Variants in SLIT3 observed in about 807,000 individuals in gnomAD.
SLIT3 encodes slit guidance ligand 3, also known as slit homolog 3 protein.
In SLIT3, 68 loss-of-function variants were observed where a neutral mutation model predicts 184.0. The ratio of observed to expected loss-of-function variants is 0.37; its 90% CI spans 0.30 to 0.45. The LOEUF is 0.45. Ranked by LOEUF, SLIT3 falls within the 20% of genes least tolerant of loss-of-function variation. The pLI is 1.00. For synonymous variants in SLIT3, 831 were observed against 828.6 expected (o/e 1.00, Z -0.05); for missense variants, 1,707 against 2,026.0 (o/e 0.84, Z 3.02).
chr5:169,028,188 A>C (rs1362140109), intron 4 of SLIT3, among the ~76,000 whole-genome samples: 1 of 152,184 alleles, frequency 6.6e-6, no homozygotes, highest in Non-Finnish European at 1.5e-5. Flanking sequence ...TCTGATGCAC[A>C]GAAGCCTTAA....
intron 27 of SLIT3, among the ~76,000 whole-genome samples, chr5:168,699,481 C>T (rs1762156393): frequency 6.6e-6 from 1 of 152,172 alleles, no homozygotes; most frequent in African/African-American, 2.4e-5. Context: ...GTCAGAGCCA[C>T]AGGCCAGTGA....
chr5:168,759,842 G>T lies in SLIT3; in HGVS notation c.1685+1020C>A, dbSNP rs544225802. ...GGACTTTACTTCCCTGGTCTTCGAGGCACACCTGAACTCTGGGGCCAGGAG... is the reference window on the plus strand; with the variant it reads ...GGACTTTACTTCCCTGGTCTTCGAGTCACACCTGAACTCTGGGGCCAGGAG... On this transcript the variant is annotated intron_variant, in intron 16 of 35. Transcript: ENST00000519560. 1.6e-4 allele frequency among the ~76,000 whole-genome samples: 25 copies of T among 152,306 alleles called. 2 individuals are homozygous for T. In the South Asian group the frequency reaches 4.6e-3, roughly 28 times the overall value.
Position 169,063,186 on chromosome 5 carries a change from A to C in SLIT3, c.413+130293T>G, listed in dbSNP as rs542009421. On this transcript the variant is annotated intron_variant, in intron 4 of 35. Coordinates refer to ENST00000519560, the MANE Select transcript of SLIT3 (RefSeq NM_003062.4). ...CCCCCGTGCCAGCCCTGCACAGAGG[A>C]CCATGACTGGCCTTAATGCCGGCTG... 7.9e-5 allele frequency among the ~76,000 whole-genome samples: 12 copies of C among 152,280 alleles called. No individual in the cohort carries two copies. The South Asian group carries it at 2.5e-3, about 32-fold the overall frequency.
At chr5:168,691,722 G>A (rs1029561334) in intron 29 of SLIT3, among the ~76,000 whole-genome samples, 1 of 152,192 alleles carries the variant, frequency 6.6e-6, no homozygotes, top group Non-Finnish European at 1.5e-5. Flanking sequence ...TTCCTCTGGT[G>A]TTGGACAGAG....
intron 4 of SLIT3, among the ~76,000 whole-genome samples, chr5:168,926,070 T>C (rs1365038810): frequency 1.3e-5 from 2 of 152,126 alleles, no homozygotes; most frequent in Non-Finnish European, 2.9e-5. Context: ...TGCCTCGGAA[T>C]TCAGGATAGC....
chr5:168,823,812 C>T (rs987343643), intron 6 of SLIT3, among the ~76,000 whole-genome samples: 1 of 152,198 alleles, frequency 6.6e-6, no homozygotes, highest in Non-Finnish European at 1.5e-5. Context: ...CTGCAAAGCT[C>T]TGGAGGTGGG....
intron 4 of SLIT3, among the ~76,000 whole-genome samples, chr5:168,971,762 C>T (rs1488578818): frequency 6.6e-6 from 1 of 152,202 alleles, no homozygotes; most frequent in African/African-American, 2.4e-5. Context: ...GAAATGTCTG[C>T]TTTGATTCTC....
intron 27 of SLIT3, among the ~76,000 whole-genome samples, chr5:168,699,709 C>G (rs1249658728): frequency 6.6e-6 from 1 of 152,202 alleles, no homozygotes; most frequent in African/African-American, 2.4e-5. Context: ...TAGAGCAAGT[C>G]CATTTCTGTG....
At chr5:169,272,428 A>T (rs1766658525) in intron 1 of SLIT3, among the ~76,000 whole-genome samples, 3 of 152,220 alleles carry the variant, frequency 2.0e-5, no homozygotes, top group Non-Finnish European at 4.4e-5. Context: ...TGGCCCAGGT[A>T]GGTAATTGGA....
intron 17 of SLIT3, among the ~76,000 whole-genome samples, chr5:168,753,375 G>T (rs926824289): frequency 2.6e-5 from 4 of 152,220 alleles, no homozygotes; most frequent in Non-Finnish European, 5.9e-5. Flanking sequence ...GGCTGCTAGG[G>T]TGTGCACACA....
intron 6 of SLIT3, among the ~76,000 whole-genome samples, chr5:168,824,892 C>A (rs935783202): frequency 6.6e-6 from 1 of 152,186 alleles, no homozygotes; most frequent in African/African-American, 2.4e-5. Context: ...CTTGGCTTTT[C>A]GTAAACACAT....
chr5:168,935,122 A>G (rs1762112914), intron 4 of SLIT3, among the ~76,000 whole-genome samples: 2 of 145,546 alleles, frequency 1.4e-5, no homozygotes, highest in Admixed American at 1.4e-4. Flanking sequence ...TGGGTGACAG[A>G]GCAAGACTCC....
chr5:168,772,565 T>A (rs1755591439), intron 14 of SLIT3: 1 of 559,730 alleles, frequency 1.8e-6, no homozygotes, highest in East Asian at 3.2e-5. Flanking sequence ...CTCCCCATGC[T>A]TTTATTGTGT....
chr5:168,753,165 G>C, intron 17 of SLIT3, 67 bp from the exon 18 acceptor site: 4 of 1,547,994 alleles, frequency 2.6e-6, no homozygotes, highest in Non-Finnish European at 3.5e-6. Flanking sequence ...TGGTGCCACG[G>C]TGGTGTGTGT....
chr5:168,877,718 C>T (rs558779513), intron 5 of SLIT3, among the ~76,000 whole-genome samples: 2 of 152,274 alleles, frequency 1.3e-5, no homozygotes, highest in East Asian at 3.9e-4. Context: ...GTTTTCAAAG[C>T]GTCAATTCCA....
chr5:168,716,650 A>G (rs1359664409), intron 23 of SLIT3, among the ~76,000 whole-genome samples: 1 of 152,204 alleles, frequency 6.6e-6, no homozygotes, highest in African/African-American at 2.4e-5. Flanking sequence ...TGCAGAGGAG[A>G]CATTGCATCT....
chr5:169,027,417 G>A (rs1449008803), intron 4 of SLIT3, among the ~76,000 whole-genome samples: 2 of 152,112 alleles, frequency 1.3e-5, no homozygotes, highest in African/African-American at 4.8e-5. Flanking sequence ...TAAATTAAAT[G>A]GCACTCATTT....
chr5:169,073,791 CCT>C (rs112253543), intron 4 of SLIT3, among the ~76,000 whole-genome samples: 5 of 152,180 alleles, frequency 3.3e-5, no homozygotes, highest in African/African-American at 1.2e-4. Flanking sequence ...TTGTAAACTC[CCT>C]GAGGCCCTCA....
At chr5:168,748,927 T>C (rs1335156337) in intron 19 of SLIT3, among the ~76,000 whole-genome samples, 1 of 152,216 alleles carries the variant, frequency 6.6e-6, no homozygotes, top group Non-Finnish European at 1.5e-5. Flanking sequence ...CAAATAAATA[T>C]GCCCTCTGGG....
Sources: allele counts gnomAD v4.1 joint callset (sites outside exome capture counted in the v4.1 genomes callset), GRCh38; gene constraint gnomAD v4.1.1; transcripts MANE v1.5; gene names NCBI Gene and HGNC (gene_info 2026-07-23, HGNC 2026-07-21).